The following DRAM1 variants were observed in gnomAD, a reference collection of about 807,000 sequenced individuals.
DRAM1 encodes the protein DNA damage-regulated autophagy modulator protein 1.
Under a neutral mutation model 28.5 loss-of-function variants are expected in DRAM1, and 25 were observed. The ratio of observed to expected loss-of-function variants is 0.88; its 90% CI spans 0.64 to 1.23. The LOEUF (loss-of-function observed/expected upper bound fraction) is 1.23, where lower values mean the gene tolerates loss of function less well. Among genes scored for constraint, DRAM1 ranks in the 50% most tolerant of loss-of-function variants. DRAM1 has a pLI of 0.00. For synonymous variants in DRAM1, 113 were observed against 114.2 expected (o/e 0.99, Z 0.07); for missense variants, 249 against 299.2 (o/e 0.83, Z 1.24).
intron 1 of DRAM1, among the ~76,000 whole-genome samples, chr12:101,878,558 T>C (rs1310277898): frequency 1.3e-5 from 2 of 152,348 alleles, no homozygotes; most frequent in Non-Finnish European, 2.9e-5. Context: ...AGTCCTCAAC[T>C]TGTCAACAAC....
Position 101,887,195 on chromosome 12 carries a change from C to T in DRAM1, c.131+9275C>T, listed in dbSNP as rs186477263. On this transcript the variant is annotated intron_variant, in intron 1 of 6. Coordinates refer to ENST00000258534, the MANE Select transcript of DRAM1 (RefSeq NM_018370.3). ...ATGCTTTGGAAAGATTAAAAAGAGA[C>T]AAATTGTCCGAAAAAAATTTGTAGC... 3.3e-5 allele frequency among the ~76,000 whole-genome samples: 5 copies of T among 149,386 alleles called. No homozygotes were observed. The East Asian group carries it at 9.8e-4, about 29-fold the overall frequency.
chr12:101,907,763 A>G (rs1490527053), intron 3 of DRAM1, among the ~76,000 whole-genome samples: 5 of 152,188 alleles, frequency 3.3e-5, no homozygotes, highest in Non-Finnish European at 7.3e-5. Flanking sequence ...ACAAAAAAAG[A>G]AAATTGTATA....
intron 5 of DRAM1, among the ~76,000 whole-genome samples, chr12:101,916,360 C>A (rs977866750): frequency 6.6e-5 from 10 of 152,290 alleles, no homozygotes; most frequent in African/African-American, 2.2e-4. Context: ...AAAAATTAGC[C>A]AGACGTTGTG....
intron 5 of DRAM1, among the ~76,000 whole-genome samples, chr12:101,919,428 T>C (rs892633970): frequency 3.9e-5 from 6 of 152,198 alleles, no homozygotes; most frequent in Non-Finnish European, 8.8e-5. Context: ...TTTTATTTAT[T>C]ATTGTTAATT....
chr12:101,878,597 A>T (rs1362895954), intron 1 of DRAM1, among the ~76,000 whole-genome samples: 2 of 152,200 alleles, frequency 1.3e-5, no homozygotes, highest in Admixed American at 1.3e-4. Context: ...TATTTTACCC[A>T]TTCACTTTTC....
At chr12:101,899,375 A>G (rs944699995) in intron 2 of DRAM1, among the ~76,000 whole-genome samples, 18 of 152,172 alleles carry the variant, frequency 1.2e-4, no homozygotes, top group African/African-American at 3.9e-4. Flanking sequence ...TTCATTTGAA[A>G]TAGTCTATGT....
At chr12:101,882,329 C>T (rs113774454) in intron 1 of DRAM1, among the ~76,000 whole-genome samples, 1,892 of 150,826 alleles carry the variant, frequency 0.013, 34 homozygotes, top group Non-Finnish European at 0.02. Context: ...TCAGGATGGT[C>T]TCGATCTCCT....
chr12:101,905,713 C>T (rs373626536), intron 3 of DRAM1, among the ~76,000 whole-genome samples: 2 of 152,212 alleles, frequency 1.3e-5, no homozygotes, highest in South Asian at 2.1e-4. Flanking sequence ...CCTCAGCCTC[C>T]GAAGTAGCTG....
chr12:101,890,369 C>T (rs144197036), intron 1 of DRAM1: 65 of 177,350 alleles, frequency 3.7e-4, no homozygotes, highest in African/African-American at 2.6e-3. Flanking sequence ...TGAGAACCAC[C>T]GAGCCCGGCC....
intron 6 of DRAM1, among the ~76,000 whole-genome samples, 165 bp downstream of exon 6, chr12:101,920,366 C>T (rs1453241696): frequency 4.4e-5 from 3 of 67,704 alleles, no homozygotes; most frequent in Admixed American, 1.4e-4. Flanking sequence ...ACTGCAGTGG[C>T]GCAATCTCGG....
intron 1 of DRAM1, among the ~76,000 whole-genome samples, chr12:101,881,786 A>T (rs574058109): frequency 6.6e-6 from 1 of 152,140 alleles, no homozygotes; most frequent in African/African-American, 2.4e-5. Context: ...CCTGACCACT[A>T]CTGGTCTCCA....
At chr12:101,908,097 T>C (rs953725536) in intron 3 of DRAM1, 89 bp from the exon 4 acceptor site, 1 of 1,137,398 alleles carries the variant, frequency 8.8e-7, no homozygotes, top group Non-Finnish European at 1.2e-6. Context: ...TGATGACCAA[T>C]GGCTCAAAGC....
intron 4 of DRAM1, among the ~76,000 whole-genome samples, chr12:101,909,866 A>G (rs575686575): frequency 2.0e-5 from 3 of 152,312 alleles, no homozygotes; most frequent in East Asian, 1.9e-4. Flanking sequence ...TCAAAATACC[A>G]TCTGTAGTCA....
intron 1 of DRAM1, among the ~76,000 whole-genome samples, chr12:101,895,001 T>C (rs1873291992): frequency 2.6e-5 from 4 of 152,094 alleles, no homozygotes; most frequent in Admixed American, 2.0e-4. Context: ...GAGTTAATTG[T>C]GTGGCAAAAG....
intron 1 of DRAM1, among the ~76,000 whole-genome samples, chr12:101,892,551 G>A (rs760964518): frequency 2.0e-5 from 3 of 151,900 alleles, no homozygotes; most frequent in Non-Finnish European, 4.4e-5. Flanking sequence ...GCTAATGTGC[G>A]CCCAGCCTTC....
intron 1 of DRAM1, among the ~76,000 whole-genome samples, chr12:101,886,946 T>C (rs560030338): frequency 5.3e-4 from 80 of 152,162 alleles, no homozygotes; most frequent in African/African-American, 1.8e-3. Flanking sequence ...AGGAGTTCAA[T>C]ACCAGCCTGG....
intron 3 of DRAM1, among the ~76,000 whole-genome samples, chr12:101,902,851 A>G (rs2121105294): frequency 6.6e-6 from 1 of 152,254 alleles, no homozygotes; most frequent in Non-Finnish European, 1.5e-5. Context: ...TATCAGGAGC[A>G]AACCAACTTG....
chr12:101,912,156 C>G (rs1322476459), intron 4 of DRAM1, among the ~76,000 whole-genome samples: 7 of 152,136 alleles, frequency 4.6e-5, no homozygotes, highest in African/African-American at 1.7e-4. Context: ...GCTGAGATCA[C>G]ACCACTGCAC....
chr12:101,883,317 T>G, intron 1 of DRAM1, among the ~76,000 whole-genome samples: 1 of 126,358 alleles, frequency 7.9e-6, no homozygotes, highest in African/African-American at 3.0e-5. Context: ...CAAATAGGTT[T>G]TTTTTTTTTT....
Sources: allele counts gnomAD v4.1 joint callset (sites outside exome capture counted in the v4.1 genomes callset), GRCh38; gene constraint gnomAD v4.1.1; transcripts MANE v1.5; gene names NCBI Gene and HGNC (gene_info 2026-07-23, HGNC 2026-07-21).